The following IGF1 variants were observed in gnomAD, a reference collection of about 807,000 sequenced individuals.
IGF1 encodes insulin-like growth factor 1.
A neutral mutation model predicts 13.8 loss-of-function variants in IGF1; 4 were observed. The ratio of observed to expected loss-of-function variants is 0.29; its 90% confidence interval spans 0.14 to 0.66. The LOEUF (loss-of-function observed/expected upper bound fraction) is 0.66. Among genes scored for constraint, IGF1 ranks in the 30% least tolerant of loss-of-function variants. The pLI, the probability that IGF1 is intolerant of heterozygous loss-of-function variation, is 0.78. For missense variants in IGF1, 124 were observed against 188.5 expected, an observed-to-expected ratio of 0.66 and a Z score of 2.00; for synonymous variants, 76 against 72.6, an observed-to-expected ratio of 1.05 and a Z score of -0.23.
In IGF1 at chr12:102,396,287, G is replaced by C. The variant is rs1873175153; in HGVS notation, c.*6220C>G. ...AGTTCATTAACTCTTTTACCAAAAAGATCTGACATGGTATTTGGGGCCTTT... is the reference window on the plus strand; with the variant it reads ...AGTTCATTAACTCTTTTACCAAAAACATCTGACATGGTATTTGGGGCCTTT... On this transcript the variant is annotated 3_prime_UTR_variant, in exon 4 of 4. Transcript: ENST00000337514. 1 of 152,176 alleles carries C rather than the reference G, an allele frequency of 6.6e-6. No individual in the cohort carries two copies. The highest frequency in any genetic ancestry group is 2.4e-5 in the African/African-American group (1 of 41,458). 9.4% of individuals were successfully genotyped at this position (152,176 alleles called of 1,614,324 possible).
At chr12:102,481,347 C>CTGTG (rs3033407), upstream of IGF1, among the ~76,000 whole-genome samples, 2,246 of 140,340 alleles carry the variant, frequency 0.016, 19 homozygotes, top group East Asian at 0.027. Flanking sequence ...TAACTCAAAC[C>CTGTG]TGTGTGTGTG....
intron 3 of IGF1, among the ~76,000 whole-genome samples, chr12:102,408,446 A>C (rs1874358563): frequency 6.6e-6 from 1 of 152,232 alleles, no homozygotes; most frequent in South Asian, 2.1e-4. Flanking sequence ...TCAAAACCAA[A>C]GAACAAGGTG....
intron 3 of IGF1, among the ~76,000 whole-genome samples, chr12:102,406,542 A>T (rs2136951611): frequency 6.6e-6 from 1 of 152,340 alleles, no homozygotes; most frequent in South Asian, 2.1e-4. Context: ...AAGACTATTA[A>T]GAAAACATTG....
intron 2 of IGF1, among the ~76,000 whole-genome samples, chr12:102,450,534 T>G (rs765276232): frequency 6.6e-6 from 1 of 152,190 alleles, no homozygotes; most frequent in Non-Finnish European, 1.5e-5. Flanking sequence ...ATTTCCAGAT[T>G]TTTCAATCTC....
intron 2 of IGF1, among the ~76,000 whole-genome samples, chr12:102,422,029 A>T (rs545627162): frequency 6.6e-6 from 1 of 152,142 alleles, no homozygotes. Context: ...CAGCAAAAAA[A>T]ATAACAGGAA....
intron 2 of IGF1, among the ~76,000 whole-genome samples, chr12:102,462,058 C>T (rs1345650672): frequency 3.3e-5 from 5 of 152,188 alleles, no homozygotes; most frequent in African/African-American, 4.8e-5. Flanking sequence ...GTCAGGGCCC[C>T]TGACTCTGCA....
chr12:102,474,126 A>C (rs1235553665), intron 2 of IGF1, among the ~76,000 whole-genome samples: 8 of 152,232 alleles, frequency 5.3e-5, no homozygotes. Flanking sequence ...CAGTAGCTGC[A>C]AATTATAGAA....
chr12:102,404,979 G>T (rs934756810), intron 3 of IGF1, among the ~76,000 whole-genome samples: 1 of 151,964 alleles, frequency 6.6e-6, no homozygotes, highest in East Asian at 1.9e-4. Flanking sequence ...GGTTGGTCTC[G>T]AACTTCTGAC....
chr12:102,421,559 C>G (rs1369028434), intron 2 of IGF1, among the ~76,000 whole-genome samples: 1 of 152,070 alleles, frequency 6.6e-6, no homozygotes, highest in Non-Finnish European at 1.5e-5. Context: ...ATTTTGTGAT[C>G]ATTGTATCTT....
chr12:102,458,887 G>T (rs1351893922), intron 2 of IGF1, among the ~76,000 whole-genome samples: 1 of 152,044 alleles, frequency 6.6e-6, no homozygotes, highest in African/African-American at 2.4e-5. Context: ...TAAAATAGGT[G>T]GTAATAAGTC....
chr12:102,416,847 T>C (rs1875185201), intron 3 of IGF1, among the ~76,000 whole-genome samples: 2 of 152,220 alleles, frequency 1.3e-5, no homozygotes, highest in African/African-American at 4.8e-5. Context: ...AAAATATGAC[T>C]GTATTTGGAG....
At chr12:102,481,131 T>C (rs1467004435), upstream of IGF1, among the ~76,000 whole-genome samples, 5 of 152,144 alleles carry the variant, frequency 3.3e-5, no homozygotes, top group African/African-American at 1.2e-4. Flanking sequence ...CAGGCAGCAT[T>C]GGATTGGTCC....
intron 2 of IGF1, among the ~76,000 whole-genome samples, chr12:102,472,307 T>G (rs1015290932): frequency 6.6e-6 from 1 of 152,182 alleles, no homozygotes; most frequent in African/African-American, 2.4e-5. Flanking sequence ...TTTCACTTGC[T>G]GTAGTGGAAC....
In IGF1 at chr12:102,480,516, C is replaced by G; in HGVS notation, c.-135G>C. 6.5e-7 allele frequency: 1 copy of G among 1,528,338 alleles called. No homozygotes were observed. Among genetic ancestry groups the G allele is most frequent in the Non-Finnish European group, 8.8e-7 (1 of 1,138,236 alleles). 94.7% of individuals were successfully genotyped at this position (1,528,338 alleles called of 1,614,324 possible). A position where few individuals can be genotyped will look rare whatever the true frequency, so the allele number is the denominator to read the frequency against. On this transcript the variant is annotated 5_prime_UTR_variant, in exon 1 of 4. Transcript: ENST00000337514. ...AGGACTTTATTCCATTGCGCAGGCT[C>G]TATCTGCTCTGAATTTAGCAGTGAC...
At chr12:102,428,720 C>A (rs1379363369) in intron 2 of IGF1, among the ~76,000 whole-genome samples, 1 of 152,148 alleles carries the variant, frequency 6.6e-6, no homozygotes, top group Non-Finnish European at 1.5e-5. Context: ...CTCTTTCGGC[C>A]CCAGGAGGAC....
chr12:102,475,718 C>T lies in IGF1; in HGVS notation c.145G>A (p.Gly49Arg). The T allele has an allele frequency of 6.2e-7, 1 of 1,614,204 alleles. No individual in the cohort carries two copies. Among genetic ancestry groups the T allele is most frequent in the East Asian group, 2.2e-5 (1 of 44,878 alleles). Residue 49 changes from glycine to arginine, a missense_variant, in exon 2 of 4, where the codon GGA becomes AGA. Gly to Arg is a moderately radical substitution (Grantham distance 125, BLOSUM62 -2). Around this residue, in one of 2 missense-constraint regions of IGF1, gnomAD observed 99 missense variants for 171.4 expected, o/e 0.58. Coordinates refer to ENST00000337514, the MANE Select transcript of IGF1 (RefSeq NM_000618.5). ...TCAGCCCCGCAGAGCGTCTCCGGTCCAGCCGTGGCAGAGCTGGTGAAGGTG... is the reference window on the plus strand; with the variant it reads ...TCAGCCCCGCAGAGCGTCTCCGGTCTAGCCGTGGCAGAGCTGGTGAAGGTG... ...LLTFTSSATA[G>R]PETLCGAELV...
chr12:102,439,455 T>A (rs1877519936), intron 2 of IGF1, among the ~76,000 whole-genome samples: 1 of 152,090 alleles, frequency 6.6e-6, no homozygotes, highest in Non-Finnish European at 1.5e-5. Context: ...AGAAAGATGT[T>A]TAAAATAGAC....
Position 102,421,350 on chromosome 12 carries a change from ATTTTTTTG to A in IGF1, c.221-1668_221-1661del, listed in dbSNP as rs1875700300. 2.6e-5 allele frequency among the ~76,000 whole-genome samples: 4 copies of A among 152,112 alleles called. No homozygotes were observed. The South Asian group carries it at 8.3e-4, about 32-fold the overall frequency. On this transcript the variant is annotated intron_variant, in intron 2 of 3. Transcript: ENST00000337514. Reference sequence around the variant, plus strand: ...GGGTCCCCTGAGCAATGTAAACAATATTTTTTTGTTTTTTTGTTTTTATAATCTTTTCC... The same window carrying A: ...GGGTCCCCTGAGCAATGTAAACAATATTTTTTTGTTTTTATAATCTTTTCC...
chr12:102,418,828 A>G (rs982035114), intron 3 of IGF1, among the ~76,000 whole-genome samples: 6 of 152,272 alleles, frequency 3.9e-5, no homozygotes, highest in African/African-American at 1.4e-4. Context: ...TCTAGCTCTT[A>G]GAAAATGATG....
Sources: allele counts gnomAD v4.1 joint callset (sites outside exome capture counted in the v4.1 genomes callset), GRCh38; gene constraint gnomAD v4.1.1; regional missense constraint gnomAD v4.1.1; transcripts MANE v1.5; gene names NCBI Gene and HGNC (gene_info 2026-07-23, HGNC 2026-07-21).